The following HSF1 variants were observed in gnomAD, a reference collection of about 807,000 sequenced individuals.
The protein encoded by HSF1 is heat shock factor protein 1.
A neutral mutation model predicts 51.7 loss-of-function variants in HSF1; 32 were observed. The ratio of observed to expected loss-of-function variants is 0.62; its 90% CI spans 0.47 to 0.83. The LOEUF is 0.83. Among genes scored for constraint, HSF1 ranks in the 40% least tolerant of loss-of-function variants. The probability of loss-of-function intolerance (pLI) is 0.00; values close to 1 mark genes in which losing one functional copy is unlikely to be tolerated. For synonymous variants in HSF1, 396 were observed against 309.7 expected, an observed-to-expected ratio of 1.28 and a Z score of -2.92; for missense variants, 727 against 717.0, an observed-to-expected ratio of 1.01 and a Z score of -0.16.
chr8:144,313,966 T>G lies in HSF1; in HGVS notation c.1315-19T>G. 6.2e-7 allele frequency: 1 copy of G among 1,610,438 alleles called. No homozygotes were observed. Among genetic ancestry groups the G allele is most frequent in the East Asian group, 2.2e-5 (1 of 44,730 alleles). On this transcript the variant is annotated intron_variant, in intron 11 of 12. Coordinates refer to ENST00000528838, the MANE Select transcript of HSF1 (RefSeq NM_005526.4). ...ACGAGACCAGCGGGAGTGCTCACAA[T>G]ACCGTCTCCACCCCACAGATCCAAG...
chr8:144,312,117 G>C lies in HSF1; in HGVS notation c.1015G>C (p.Glu339Gln). Residue 339 changes from glutamate (E) to glutamine (Q), a missense_variant, in exon 9 of 13, where the codon GAA becomes CAA. Glu to Gln is a conservative substitution (Grantham distance 29). Transcript: ENST00000528838. ...CATTGACTCCATCCTGCGGGAGAGT[G>C]AACCTGCCCCCGCCTCCGTCACAGC... ...ALIDSILRESEPAPASVTALT... is the reference protein window; with the variant it reads ...ALIDSILRESQPAPASVTALT... 6.2e-7 allele frequency: 1 copy of C among 1,612,336 alleles called. No homozygotes were observed. The highest frequency in any genetic ancestry group is 8.5e-7 in the Non-Finnish European group (1 of 1,179,832).
At chr8:144,301,762 G>A (rs1347182203) in intron 1 of HSF1, among the ~76,000 whole-genome samples, 1 of 152,020 alleles carries the variant, frequency 6.6e-6, no homozygotes. Flanking sequence ...CTACTCGGGA[G>A]GCTGAGGCAG....
intron 1 of HSF1, among the ~76,000 whole-genome samples, chr8:144,299,268 G>A (rs1390573975): frequency 6.6e-6 from 1 of 151,524 alleles, no homozygotes; most frequent in African/African-American, 2.4e-5. Flanking sequence ...ATGGTGAAAC[G>A]CCGTCTCTAC....
intron 1 of HSF1, among the ~76,000 whole-genome samples, chr8:144,298,186 T>A (rs1815597288): frequency 6.6e-6 from 1 of 152,170 alleles, no homozygotes; most frequent in South Asian, 2.1e-4. Context: ...GGTTCTCTGA[T>A]GGGTTCACCA....
chr8:144,299,946 A>G (rs1024885550), intron 1 of HSF1, among the ~76,000 whole-genome samples: 31 of 152,306 alleles, frequency 2.0e-4, no homozygotes, highest in African/African-American at 7.2e-4. Context: ...TGGAAGATAC[A>G]GAAAAGAAGC....
intron 1 of HSF1, among the ~76,000 whole-genome samples, chr8:144,308,330 G>A (rs145693415): frequency 6.4e-4 from 98 of 152,318 alleles, no homozygotes; most frequent in African/African-American, 2.2e-3. Context: ...GCCTGAGCTC[G>A]GTAGAGAAAT....
intron 1 of HSF1, among the ~76,000 whole-genome samples, chr8:144,307,131 C>T (rs1484743256): frequency 5.9e-5 from 9 of 152,224 alleles, no homozygotes; most frequent in African/African-American, 2.2e-4. Flanking sequence ...TTTTCAGAGC[C>T]CCTAGTGGCA....
At chr8:144,310,214 C>G (rs1816531995) in intron 4 of HSF1, 1 of 324,088 alleles carries the variant, frequency 3.1e-6, no homozygotes, top group African/African-American at 2.1e-5. Context: ...GAGGACAAGC[C>G]TTGCACAGCA....
rs782406622 is a variant in HSF1, at chr8:144,312,047, C to T, written c.945C>T (p.Pro315=). 2.4e-5 allele frequency: 38 copies of T among 1,611,530 alleles called. 1 individual carries two copies. In the South Asian group the frequency reaches 3.1e-4, roughly 13 times the overall value. ...PQSPRVEEAS[P]GRPSSVDTLL... ...GCCCCCGGGTAGAGGAGGCGAGTCC[C>T]GGGCGCCCATCTTCCGTGGACACCC... is the stretch of plus-strand genomic sequence containing the variant. Residue 315 remains proline (P), a synonymous_variant, in exon 9 of 13, where the codon CCC becomes CCT. Coordinates refer to ENST00000528838, the MANE Select transcript of HSF1 (RefSeq NM_005526.4).
intron 10 of HSF1, 23 bp downstream of exon 10, chr8:144,313,639 GCCTCC>G (rs781879863): frequency 0.016 from 6,933 of 439,362 alleles, 1,809 homozygotes; most frequent in Non-Finnish European, 0.019. Flanking sequence ...CCGCCGCCCC[GCCTCC>G]CCGCCCCGCC....
At chr8:144,309,662 GCT>G in intron 3 of HSF1, 71 bp downstream of exon 3, 3 of 1,598,784 alleles carry the variant, frequency 1.9e-6, no homozygotes, top group Non-Finnish European at 2.6e-6. Flanking sequence ...CTCCCTGAGG[GCT>G]CCCACCCCAG....
chr8:144,310,372 C>G (rs1816548968), intron 4 of HSF1: 1 of 155,936 alleles, frequency 6.4e-6, no homozygotes, highest in African/African-American at 2.4e-5. Context: ...TTAGCAGGAG[C>G]CTAACACACG....
At chr8:144,312,847 C>T (rs1299106113) in intron 9 of HSF1, 8 of 756,850 alleles carry the variant, frequency 1.1e-5, no homozygotes, top group African/African-American at 3.5e-5. Context: ...CCCTCTGTGG[C>T]GGGGGCTCAG....
At chr8:144,295,176 C>T (rs901881677) in intron 1 of HSF1, among the ~76,000 whole-genome samples, 1 of 152,214 alleles carries the variant, frequency 6.6e-6, no homozygotes, top group African/African-American at 2.4e-5. Context: ...TCTTCTAGGG[C>T]CTTGCTGGGC....
chr8:144,296,687 G>A (rs1235644085), intron 1 of HSF1, among the ~76,000 whole-genome samples: 1 of 152,020 alleles, frequency 6.6e-6, no homozygotes, highest in African/African-American at 2.4e-5. Context: ...GGTGCCTGTA[G>A]TCCCAGCTAC....
chr8:144,305,705 C>T, intron 1 of HSF1, among the ~76,000 whole-genome samples: 1 of 143,558 alleles, frequency 7.0e-6, no homozygotes, highest in Admixed American at 7.0e-5. Flanking sequence ...CAGGTCTGCT[C>T]TTAAGCCCCT....
intron 2 of HSF1, 139 bp from the exon 3 acceptor site, chr8:144,309,316 C>A: frequency 4.0e-6 from 5 of 1,257,340 alleles, no homozygotes; most frequent in Non-Finnish European, 5.6e-6. Flanking sequence ...CACTCGGCCA[C>A]CCAGGCATGG....
At chr8:144,296,794 G>A (rs1377064452) in intron 1 of HSF1, among the ~76,000 whole-genome samples, 3 of 133,880 alleles carry the variant, frequency 2.2e-5, no homozygotes, top group Admixed American at 8.1e-5. Flanking sequence ...GTGACAGAGC[G>A]GGACTCCATC....
Position 144,311,207 on chromosome 8 carries a change from C to G in HSF1, c.522C>G (p.Ser174Arg). Residue 174 changes from serine to arginine, a missense_variant, in exon 5 of 13, where the codon AGC becomes AGG. This residue lies in a region of HSF1 where 257 missense variants were observed against 318.3 expected (regional missense o/e 0.81). Transcript: ENST00000528838. ...ENEALWREVA[S>R]LRQKHAQQQK... ...AGGCTCTGTGGCGGGAGGTGGCCAG[C>G]CTTCGGCAGAAGCATGCCCAGCAAC... 1 of 1,605,798 alleles carries G rather than the reference C, an allele frequency of 6.2e-7. No homozygotes were observed. The highest frequency in any genetic ancestry group is 8.5e-7 in the Non-Finnish European group (1 of 1,176,506).
Sources: gnomAD v4.1 joint callset for allele counts (sites outside exome capture counted in the v4.1 genomes callset) on GRCh38, gnomAD v4.1.1 for gene constraint, gnomAD v4.1.1 regional missense constraint, MANE v1.5 for transcripts, NCBI Gene and HGNC (gene_info 2026-07-23, HGNC 2026-07-21) for gene names.